Variants in KANK1 observed in about 807,000 individuals in gnomAD.
KANK1 encodes KN motif and ankyrin repeat domains 1.
KANK1 carries 109 observed loss-of-function variants against 106.2 expected under a neutral mutation model. The ratio of observed to expected loss-of-function variants is 1.03; its 90% CI spans 0.88 to 1.20. The LOEUF is 1.20. KANK1 is among the 50% of genes most tolerant of loss of function. KANK1 has a pLI of 0.00. For synonymous variants in KANK1, 873 were observed against 652.2 expected (o/e 1.34, Z -5.16); for missense variants, 2,399 against 1,710.7 (o/e 1.40, Z -7.10).
chr9:742,387 C>G lies in KANK1; in HGVS notation c.3879C>G (p.Asn1293Lys). The change falls in exon 10 of 12, where the codon AAC (asparagine) becomes AAG (lysine). Residue 1293 changes from asparagine (N) to lysine (K), a missense_variant. By Grantham distance (94) the Asn-to-Lys change is moderately conservative. Transcript: ENST00000382297. ...VKLLLAQPGC[N>K]GHLEDNDGST... ...TGCTGCTGGCCCAGCCCGGCTGCAA[C>G]GGTCACCTAGAGGACAACGTAAGCT... is the stretch of plus-strand genomic sequence containing the variant. The G allele has an allele frequency of 6.2e-7, 1 of 1,613,500 alleles. No individual in the cohort carries two copies. Among genetic ancestry groups the G allele is most frequent in the Non-Finnish European group, 8.5e-7 (1 of 1,179,704 alleles).
At chr9:627,259 C>T (rs1274254597) in intron 1 of KANK1, among the ~76,000 whole-genome samples, 2 of 152,118 alleles carry the variant, frequency 1.3e-5, no homozygotes, top group Non-Finnish European at 2.9e-5. Context: ...CCCCAGTCTC[C>T]ATTCCCTCCT....
rs949101253 is a variant in KANK1 at position 738,438 on chromosome 9, A to C, written c.3487A>C (p.Asn1163His). ...YVINLADGNG[N>H]TALHYSVSHS... is the part of the protein sequence containing the mutation. Reference sequence around the variant, plus strand: ...CATCAACTTGGCAGACGGCAACGGCAACACAGCCCTCCATTACAGCGTGTC... The same window carrying C: ...CATCAACTTGGCAGACGGCAACGGCCACACAGCCCTCCATTACAGCGTGTC... The change falls in exon 8 of 12, where the codon AAC becomes CAC. Residue 1163 changes from asparagine to histidine, a missense_variant. Physicochemically the swap from Asn to His is moderately conservative, Grantham distance 68. Transcript: ENST00000382297. The C allele has an allele frequency of 1.9e-6, 3 of 1,614,184 alleles. No individual in the cohort carries two copies. Among genetic ancestry groups the C allele is most frequent in the African/African-American group, 1.3e-5 (1 of 75,038 alleles).
chr9:606,854 G>A lies in KANK1; in HGVS notation c.-83-70036G>A, dbSNP rs529428549. 9.2e-5 allele frequency among the ~76,000 whole-genome samples: 14 copies of A among 151,642 alleles called. 1 individual carries two copies. The South Asian group carries it at 2.7e-3, about 29-fold the overall frequency. ...TGCCAGGTACTGTTCTTACTACTGT[G>A]GAAATAGCAGAAAGGAAAAACAAAG... On this transcript the variant is annotated intron_variant, in intron 1 of 11. Coordinates refer to ENST00000382297, the MANE Select transcript of KANK1 (RefSeq NM_015158.5).
chr9:538,886 A>G (rs1468205663), intron 1 of KANK1, among the ~76,000 whole-genome samples: 2 of 151,828 alleles, frequency 1.3e-5, no homozygotes, highest in East Asian at 1.9e-4. Context: ...TTTGTTTTTT[A>G]TTTATTTATT....
chr9:550,210 T>TC (rs1477448326), intron 1 of KANK1, among the ~76,000 whole-genome samples: 3 of 143,728 alleles, frequency 2.1e-5, no homozygotes, highest in African/African-American at 7.6e-5. Context: ...CCGCCTCCCC[T>TC]CCCCCCAGGG....
At chr9:664,427 T>A (rs1264748747) in intron 1 of KANK1, among the ~76,000 whole-genome samples, 1 of 152,170 alleles carries the variant, frequency 6.6e-6, no homozygotes, top group Non-Finnish European at 1.5e-5. Context: ...TGGATAATAT[T>A]CTATTGTGTA....
chr9:482,002 A>C (rs1404777123), intron 3 of KANK1, among the ~76,000 whole-genome samples: 1 of 152,116 alleles, frequency 6.6e-6, no homozygotes, highest in Non-Finnish European at 1.5e-5. Flanking sequence ...CAGATCCTAA[A>C]ATTGGCTTCC....
chr9:472,030 A>T (rs2058031125), intron 2 of KANK1, among the ~76,000 whole-genome samples: 1 of 152,204 alleles, frequency 6.6e-6, no homozygotes. Flanking sequence ...GACAAAAAAG[A>T]GCCCTGCTCT....
intron 11 of KANK1, chr9:744,958 G>C: frequency 6.9e-7 from 1 of 1,458,906 alleles, no homozygotes; most frequent in Non-Finnish European, 9.0e-7. Context: ...ACTCTGAGTG[G>C]GAAGGTGACT....
intron 1 of KANK1, among the ~76,000 whole-genome samples, chr9:565,651 T>G (rs1373080794): frequency 6.6e-6 from 1 of 152,152 alleles, no homozygotes; most frequent in East Asian, 1.9e-4. Flanking sequence ...TGAGTCTGCC[T>G]CTGGGTTAGG....
intron 1 of KANK1, among the ~76,000 whole-genome samples, chr9:619,713 T>C (rs1832687894): frequency 6.6e-6 from 1 of 152,226 alleles, no homozygotes; most frequent in Admixed American, 6.5e-5. Flanking sequence ...AAGGATTTAA[T>C]ATGCAATACA....
chr9:731,111 A>T, intron 4 of KANK1, 47 bp from the exon 5 acceptor site: 1 of 997,546 alleles, frequency 1.0e-6, no homozygotes. Flanking sequence ...ATCATTTAAC[A>T]TGTATGGGTG....
At chr9:539,205 C>T (rs2060459154) in intron 1 of KANK1, among the ~76,000 whole-genome samples, 1 of 152,130 alleles carries the variant, frequency 6.6e-6, no homozygotes, top group Non-Finnish European at 1.5e-5. Flanking sequence ...TTTTAAATGT[C>T]ATGCATGTTT....
intron 3 of KANK1, among the ~76,000 whole-genome samples, chr9:477,111 C>A (rs935861248): frequency 8.5e-5 from 13 of 152,102 alleles, no homozygotes; most frequent in Non-Finnish European, 1.6e-4. Flanking sequence ...TTGAGCAGGG[C>A]ATGACAGGGA....
chr9:545,417 T>G (rs1191753482), intron 1 of KANK1, among the ~76,000 whole-genome samples: 1 of 152,184 alleles, frequency 6.6e-6, no homozygotes, highest in African/African-American at 2.4e-5. Flanking sequence ...TCTGGGAGTC[T>G]TTCCCATGTG....
chr9:743,328 A>G (rs747984375), intron 10 of KANK1, among the ~76,000 whole-genome samples: 176 of 152,250 alleles, frequency 1.2e-3, no homozygotes, highest in African/African-American at 4.0e-3. Flanking sequence ...CTAGCTTCAC[A>G]CTCAGCCATC....
intron 3 of KANK1, among the ~76,000 whole-genome samples, chr9:721,190 C>G (rs1162272624): frequency 6.6e-6 from 1 of 152,174 alleles, no homozygotes; most frequent in African/African-American, 2.4e-5. Context: ...ACTGACCTCC[C>G]TCATACCTTG....
At chr9:620,606 T>G (rs1563874930) in intron 1 of KANK1, among the ~76,000 whole-genome samples, 1 of 152,096 alleles carries the variant, frequency 6.6e-6, no homozygotes, top group Admixed American at 6.5e-5. Context: ...GGGGTTTCAC[T>G]ATGTTGGCCA....
intron 1 of KANK1, among the ~76,000 whole-genome samples, chr9:509,823 A>G (rs534759597): frequency 9.4e-4 from 143 of 152,144 alleles, no homozygotes; most frequent in African/African-American, 3.3e-3. Flanking sequence ...TTGAGACAGG[A>G]TATCATTGTG....
Sources: gnomAD v4.1 joint callset for allele counts (sites outside exome capture counted in the v4.1 genomes callset) on GRCh38, gnomAD v4.1.1 for gene constraint, MANE v1.5 for transcripts, NCBI Gene and HGNC (gene_info 2026-07-23, HGNC 2026-07-21) for gene names.